GPAT3: variants seen among roughly 807,000 people sequenced by gnomAD.
GPAT3 encodes the protein glycerol-3-phosphate acyltransferase 3.
GPAT3 carries 53 observed loss-of-function variants against 58.8 expected under a neutral mutation model. That is an observed-to-expected ratio of 0.90 (90% CI 0.72 to 1.13). GPAT3 has a LOEUF of 1.13. Ranked by LOEUF, GPAT3 falls within the 50% of genes most tolerant of loss-of-function variation. The pLI is 0.00. For synonymous variants in GPAT3, 197 were observed against 187.4 expected, an observed-to-expected ratio of 1.05 and a Z score of -0.42; for missense variants, 511 against 527.6, an observed-to-expected ratio of 0.97 and a Z score of 0.31.
chr4:83,568,656 C>T (rs1323782874), intron 2 of GPAT3, among the ~76,000 whole-genome samples: 1 of 151,936 alleles, frequency 6.6e-6, no homozygotes, highest in African/African-American at 2.4e-5. Context: ...TACAGGCACC[C>T]GCCACCACAC....
chr4:83,564,577 C>T (rs1185172417), intron 2 of GPAT3, among the ~76,000 whole-genome samples: 4 of 152,104 alleles, frequency 2.6e-5, no homozygotes, highest in South Asian at 4.2e-4. Context: ...TGCATACCTG[C>T]GGTCCCGGCT....
Position 83,587,318 on chromosome 4 carries a change from G to A in GPAT3, c.543G>A (p.Leu181=), listed in dbSNP as rs1220165249. The change falls in exon 4 of 12, where the codon CTG becomes CTA. Residue 181 remains leucine (L), a synonymous_variant. Coordinates refer to ENST00000264409, the MANE Select transcript of GPAT3 (RefSeq NM_032717.5). ...LVIGTTLVGQ[L]PDSSLKNWLS... is the part of the protein sequence containing the mutation. ...TAGGAACTACACTGGTTGGGCAGCT[G>A]CCAGACAGCAGGTGAAATGTTTCCT... is the stretch of plus-strand genomic sequence containing the variant. 6.2e-7 allele frequency: 1 copy of A among 1,613,528 alleles called. No individual in the cohort carries two copies. Among genetic ancestry groups the A allele is most frequent in the Non-Finnish European group, 8.5e-7 (1 of 1,179,756 alleles).
chr4:83,579,475 T>G (rs1357788451), intron 2 of GPAT3, among the ~76,000 whole-genome samples: 1 of 151,784 alleles, frequency 6.6e-6, no homozygotes, highest in Non-Finnish European at 1.5e-5. Flanking sequence ...GTATTTTTTG[T>G]GGAGACAGGT....
At chr4:83,601,110 A>G (rs1288955713) in intron 11 of GPAT3, among the ~76,000 whole-genome samples, 1 of 152,182 alleles carries the variant, frequency 6.6e-6, no homozygotes, top group African/African-American at 2.4e-5. Flanking sequence ...ACTTCACATC[A>G]TTGATAGGTT....
chr4:83,600,734 G>C (rs1009465185), intron 11 of GPAT3, among the ~76,000 whole-genome samples: 3 of 151,998 alleles, frequency 2.0e-5, no homozygotes, highest in African/African-American at 7.3e-5. Flanking sequence ...TCCAACTCCT[G>C]ACCTCAGGTG....
intron 3 of GPAT3, among the ~76,000 whole-genome samples, chr4:83,582,612 G>T (rs1372016650): frequency 6.6e-6 from 1 of 152,222 alleles, no homozygotes; most frequent in Non-Finnish European, 1.5e-5. Context: ...CCTCTCAGCA[G>T]AGCTTTCCAG....
At chr4:83,576,686 C>T (rs775377509) in intron 2 of GPAT3, among the ~76,000 whole-genome samples, 11 of 151,926 alleles carry the variant, frequency 7.2e-5, no homozygotes, top group African/African-American at 1.7e-4. Flanking sequence ...TCAAGTGATC[C>T]GCCTGCCTCT....
intron 3 of GPAT3, among the ~76,000 whole-genome samples, chr4:83,582,634 C>T (rs931139639): frequency 3.9e-5 from 6 of 152,212 alleles, no homozygotes; most frequent in African/African-American, 1.4e-4. Flanking sequence ...CAGTGGCTAC[C>T]TGCCAACTAA....
At chr4:83,565,531 C>T (rs1725349075) in intron 2 of GPAT3, among the ~76,000 whole-genome samples, 1 of 152,074 alleles carries the variant, frequency 6.6e-6, no homozygotes, top group African/African-American at 2.4e-5. Context: ...CAGAATCTCG[C>T]TCTGTCACCC....
chr4:83,558,336 G>A (rs1725013336), intron 2 of GPAT3, among the ~76,000 whole-genome samples: 1 of 152,146 alleles, frequency 6.6e-6, no homozygotes, highest in African/African-American at 2.4e-5. Context: ...ACTGGGCTGG[G>A]TTACGTGATA....
chr4:83,547,861 T>G (rs1357217068), intron 2 of GPAT3, among the ~76,000 whole-genome samples: 2 of 151,210 alleles, frequency 1.3e-5, no homozygotes, highest in Non-Finnish European at 1.5e-5. Context: ...CCCTTTTTTT[T>G]TTTTTTTTTG....
At chr4:83,543,076 A>G (rs1724368494) in intron 1 of GPAT3, among the ~76,000 whole-genome samples, 1 of 152,166 alleles carries the variant, frequency 6.6e-6, no homozygotes, top group Non-Finnish European at 1.5e-5. Flanking sequence ...TGAAGCCAGT[A>G]GATTGCTGAG....
intron 2 of GPAT3, among the ~76,000 whole-genome samples, chr4:83,546,557 A>T (rs1724519896): frequency 6.6e-6 from 1 of 152,166 alleles, no homozygotes; most frequent in South Asian, 2.1e-4. Context: ...AATAGAAATC[A>T]TAGTATTTTA....
intron 8 of GPAT3, 49 bp downstream of exon 8, chr4:83,596,962 C>T: frequency 6.6e-7 from 1 of 1,526,172 alleles, no homozygotes; most frequent in Non-Finnish European, 9.0e-7. Flanking sequence ...AACAAACCAT[C>T]AAAAGTGTGT....
chr4:83,563,673 GT>G (rs1725269950), intron 2 of GPAT3, among the ~76,000 whole-genome samples: 1 of 151,572 alleles, frequency 6.6e-6, no homozygotes, highest in Admixed American at 6.6e-5. Context: ...GTAGAGATGG[GT>G]TTTGCTATGT....
At chr4:83,558,242 GTT>G (rs1255220336) in intron 2 of GPAT3, among the ~76,000 whole-genome samples, 3 of 151,902 alleles carry the variant, frequency 2.0e-5, no homozygotes, top group Non-Finnish European at 4.4e-5. Context: ...CATCTTGACA[GTT>G]TTGATGAATG....
chr4:83,557,983 C>T (rs1724999713), intron 2 of GPAT3, among the ~76,000 whole-genome samples: 1 of 152,118 alleles, frequency 6.6e-6, no homozygotes, highest in Admixed American at 6.6e-5. Flanking sequence ...GAGGCCGAGG[C>T]AGGTGAATCA....
chr4:83,557,829 T>C (rs1724993382), intron 2 of GPAT3, among the ~76,000 whole-genome samples: 1 of 152,168 alleles, frequency 6.6e-6, no homozygotes, highest in Non-Finnish European at 1.5e-5. Context: ...TTGTTTGAGG[T>C]AGTATTGATG....
upstream of GPAT3, chr4:83,536,095 C>T (rs1724068246): frequency 2.0e-6 from 2 of 985,468 alleles, no homozygotes; most frequent in African/African-American, 3.5e-5. Flanking sequence ...GCGCTGGGCG[C>T]CCGAGCGCAG....
Sources: gnomAD v4.1 joint callset for allele counts (sites outside exome capture counted in the v4.1 genomes callset) on GRCh38, gnomAD v4.1.1 for gene constraint, MANE v1.5 for transcripts, NCBI Gene and HGNC (gene_info 2026-07-23, HGNC 2026-07-21) for gene names.